RCC2: variants seen among roughly 807,000 people sequenced by gnomAD.
RCC2 encodes the protein regulator of chromosome condensation 2.
RCC2 carries 19 observed loss-of-function variants against 64.1 expected under a neutral mutation model. That is an observed-to-expected ratio of 0.30 (90% CI 0.21 to 0.44). The LOEUF (loss-of-function observed/expected upper bound fraction) is 0.44. RCC2 is among the 20% of genes least tolerant of loss of function. The pLI is 1.00. For missense variants in RCC2, 508 were observed against 710.4 expected, an observed-to-expected ratio of 0.72 and a Z score of 3.24; for synonymous variants, 325 against 279.6, an observed-to-expected ratio of 1.16 and a Z score of -1.62.
intron 1 of RCC2, among the ~76,000 whole-genome samples, chr1:17,438,755 C>T (rs1028051119): frequency 6.6e-6 from 1 of 152,172 alleles, no homozygotes; most frequent in Admixed American, 6.5e-5. Context: ...CAGAGGCAAT[C>T]CCCTGGAGGG....
At chr1:17,426,558 A>C (rs2075618407) in intron 3 of RCC2, among the ~76,000 whole-genome samples, 1 of 151,438 alleles carries the variant, frequency 6.6e-6, no homozygotes, top group Non-Finnish European at 1.5e-5. Flanking sequence ...AGCCCACCAC[A>C]GCTCTCTTCC....
In RCC2 at chr1:17,413,700, C is replaced by T. The variant is rs1348533044; in HGVS notation, c.1044G>A (p.Gln348=). The T allele has an allele frequency of 6.2e-7, 1 of 1,613,114 alleles. No homozygotes were observed. Among genetic ancestry groups the T allele is most frequent in the South Asian group, 1.1e-5 (1 of 90,976 alleles). The stretch of plus-strand genomic sequence containing the variant: ...CAAAGCCCCAGGAGAAGACTCGCTT[C>T]TGGGAGTCCAGGACCAGCTGCAAGG... The part of the protein sequence containing the change: ...GANHTLVLDS[Q]KRVFSWGFGG... The change falls in exon 9 of 13, where the codon CAG becomes CAA. Residue 348 remains glutamine, a synonymous_variant. Transcript: ENST00000375436.
At chr1:17,420,913 T>G in intron 6 of RCC2, 85 bp from the exon 7 acceptor site, 1 of 837,242 alleles carries the variant, frequency 1.2e-6, no homozygotes, top group Admixed American at 2.8e-5. Context: ...GGGAAACAAT[T>G]ACTAGGTTAC....
intron 3 of RCC2, among the ~76,000 whole-genome samples, chr1:17,425,910 G>A (rs972716533): frequency 1.3e-5 from 2 of 152,184 alleles, no homozygotes; most frequent in Non-Finnish European, 2.9e-5. Flanking sequence ...AGCTGGCACA[G>A]GCCTGGCGTC....
At chr1:17,430,030 T>C (rs2075659057) in intron 2 of RCC2, among the ~76,000 whole-genome samples, 1 of 152,254 alleles carries the variant, frequency 6.6e-6, no homozygotes, top group South Asian at 2.1e-4. Context: ...CTCAGCACTT[T>C]GCTTCCTTAA....
At chr1:17,435,892 T>C (rs1283323232) in intron 2 of RCC2, among the ~76,000 whole-genome samples, 2 of 135,332 alleles carry the variant, frequency 1.5e-5, no homozygotes, top group African/African-American at 2.8e-5. Context: ...CACTCCAACC[T>C]GGGCAACAAC....
At chr1:17,436,118 C>T (rs1001352365) in intron 2 of RCC2, among the ~76,000 whole-genome samples, 2 of 152,130 alleles carry the variant, frequency 1.3e-5, no homozygotes, top group Non-Finnish European at 2.9e-5. Context: ...TAGAGTCCTG[C>T]TTATACACAT....
chr1:17,411,560 G>A (rs971901302), intron 11 of RCC2, among the ~76,000 whole-genome samples: 2 of 148,238 alleles, frequency 1.3e-5, no homozygotes, highest in African/African-American at 2.5e-5. Context: ...TCCAGCCTGG[G>A]TGACAGAGAA....
chr1:17,413,027 C>T (rs375875302), intron 10 of RCC2, 46 bp downstream of exon 10: 24 of 1,414,190 alleles, frequency 1.7e-5, no homozygotes, highest in Non-Finnish European at 2.3e-5. Flanking sequence ...CTGACACCCC[C>T]ATGAAAGGAA....
chr1:17,409,302 CAG>C, intron 12 of RCC2, 108 bp from the exon 13 acceptor site: 1 of 749,472 alleles, frequency 1.3e-6, no homozygotes, highest in Non-Finnish European at 2.4e-6. Flanking sequence ...TGGAGAAAAA[CAG>C]AGTGCCCTTG....
In RCC2 at chr1:17,438,331, C is replaced by T. The variant is rs1443138726; in HGVS notation, c.184G>A (p.Ala62Thr). The change falls in exon 2 of 13, where the codon GCC (alanine) becomes ACC (threonine). Residue 62 changes from alanine to threonine, a missense_variant. Physicochemically the swap from Ala to Thr is moderately conservative, Grantham distance 58. This residue lies in a region of RCC2 where 195 missense variants were observed against 158.3 expected (regional missense o/e 1.23). Transcript: ENST00000375436. ...GDEDGLELDG[A>T]PGGGKRAARP... is the part of the protein sequence containing the mutation. ...GCCGCGCGCTTGCCCCCGCCGGGGGCCCCGTCGAGCTCCAGGCCGTCCTCG... is the reference window on the plus strand; with the variant it reads ...GCCGCGCGCTTGCCCCCGCCGGGGGTCCCGTCGAGCTCCAGGCCGTCCTCG... 4.8e-6 allele frequency: 6 copies of T among 1,247,042 alleles called. No homozygotes were observed. The highest frequency in any genetic ancestry group is 2.7e-5 in the South Asian group (1 of 37,354). The allele number at this position is 1,247,042 out of a possible 1,614,324, so 77.2% of individuals were successfully genotyped here. A position where few individuals can be genotyped will look rare whatever the true frequency, so the allele number is the denominator to read the frequency against.
intron 5 of RCC2, among the ~76,000 whole-genome samples, 159 bp downstream of exon 5, chr1:17,422,546 T>C (rs1338716542): frequency 6.6e-6 from 1 of 152,140 alleles, no homozygotes; most frequent in Non-Finnish European, 1.5e-5. Flanking sequence ...AGGCTCCCAA[T>C]GCCCTCAAGA....
At chr1:17,431,562 C>T (rs2075681982) in intron 2 of RCC2, among the ~76,000 whole-genome samples, 1 of 145,732 alleles carries the variant, frequency 6.9e-6, no homozygotes, top group African/African-American at 2.5e-5. Context: ...CAGGCCCAAT[C>T]ATTCTAACCT....
chr1:17,424,741 GA>G (rs2075594023), intron 4 of RCC2, among the ~76,000 whole-genome samples: 1 of 152,192 alleles, frequency 6.6e-6, no homozygotes, highest in African/African-American at 2.4e-5. Flanking sequence ...AAAGGGTGGG[GA>G]CAAACGCCAA....
intron 10 of RCC2, 96 bp from the exon 11 acceptor site, chr1:17,412,290 C>T: frequency 9.1e-7 from 1 of 1,095,952 alleles, no homozygotes; most frequent in East Asian, 2.4e-5. Flanking sequence ...TGCCACTTTT[C>T]CCTTGGCGTA....
intron 10 of RCC2, 21 bp downstream of exon 10, chr1:17,413,052 A>G: frequency 6.4e-7 from 1 of 1,569,894 alleles, no homozygotes; most frequent in Non-Finnish European, 8.8e-7. Flanking sequence ...CCTCATACCC[A>G]CAGGAGATGC....
intron 11 of RCC2, 62 bp downstream of exon 11, chr1:17,412,060 A>G: frequency 6.8e-7 from 1 of 1,471,052 alleles, no homozygotes; most frequent in Non-Finnish European, 9.5e-7. Context: ...GAGAGAACCC[A>G]AAGGCCATGA....
chr1:17,424,847 A>G (rs1334314112), intron 4 of RCC2, among the ~76,000 whole-genome samples: 4 of 152,206 alleles, frequency 2.6e-5, no homozygotes, highest in Non-Finnish European at 4.4e-5. Context: ...GATCTGGAAG[A>G]GGACACGGGC....
intron 3 of RCC2, among the ~76,000 whole-genome samples, chr1:17,427,322 G>A (rs1044241797): frequency 2.6e-5 from 4 of 152,150 alleles, no homozygotes; most frequent in Non-Finnish European, 4.4e-5. Context: ...ACTCCTGGCC[G>A]CAGGCGGGCA....
Sources: gnomAD v4.1 joint callset for allele counts (sites outside exome capture counted in the v4.1 genomes callset) on GRCh38, gnomAD v4.1.1 for gene constraint, gnomAD v4.1.1 regional missense constraint, MANE v1.5 for transcripts, NCBI Gene and HGNC (gene_info 2026-07-23, HGNC 2026-07-21) for gene names.